LNX2: variants seen among roughly 807,000 people sequenced by gnomAD.
LNX2 encodes ligand of numb-protein X 2, also known as ligand of Numb protein X 2.
In LNX2, 35 loss-of-function variants were observed where a neutral mutation model predicts 66.2. The ratio of observed to expected loss-of-function variants is 0.53; its 90% CI spans 0.40 to 0.70. The LOEUF (loss-of-function observed/expected upper bound fraction) is 0.70, where lower values mean the gene tolerates loss of function less well. Ranked by LOEUF, LNX2 falls within the 30% of genes least tolerant of loss-of-function variation. The pLI, the probability that LNX2 is intolerant of heterozygous loss-of-function variation, is 0.00. For synonymous variants in LNX2, 337 were observed against 315.6 expected (o/e 1.07, Z -0.72); for missense variants, 791 against 850.8 (o/e 0.93, Z 0.87).
At chr13:27,618,952 A>C (rs1464975457) in intron 1 of LNX2, among the ~76,000 whole-genome samples, 1 of 152,232 alleles carries the variant, frequency 6.6e-6, no homozygotes, top group Non-Finnish European at 1.5e-5. Flanking sequence ...ACTTCAGGGT[A>C]ACTAGTGGGA....
chr13:27,616,100 G>A (rs1955822471), intron 1 of LNX2, among the ~76,000 whole-genome samples: 1 of 129,884 alleles, frequency 7.7e-6, no homozygotes, highest in African/African-American at 2.9e-5. Flanking sequence ...GGAGGCATGA[G>A]ACATCAATCA....
At chr13:27,602,162 T>C (rs748065914) in intron 1 of LNX2, among the ~76,000 whole-genome samples, 1 of 152,076 alleles carries the variant, frequency 6.6e-6, no homozygotes, top group Non-Finnish European at 1.5e-5. Flanking sequence ...CATTTCGCCA[T>C]GTTGCCCAGC....
chr13:27,556,205 TGTG>T, intron 7 of LNX2, 28 bp downstream of exon 7: 1 of 1,591,602 alleles, frequency 6.3e-7, no homozygotes, highest in South Asian at 1.1e-5. Context: ...AGAAATAAGA[TGTG>T]GTAAAATTTT....
chr13:27,594,934 G>A (rs998178224), intron 1 of LNX2, among the ~76,000 whole-genome samples: 2 of 151,916 alleles, frequency 1.3e-5, no homozygotes, highest in Non-Finnish European at 1.5e-5. Flanking sequence ...CCTACCTTCC[G>A]TCACAACACT....
intron 1 of LNX2, among the ~76,000 whole-genome samples, chr13:27,592,525 T>C (rs527925031): frequency 2.8e-4 from 42 of 152,260 alleles, no homozygotes; most frequent in African/African-American, 9.9e-4. Flanking sequence ...AGACACTGAA[T>C]AGACAGTTGC....
chr13:27,583,244 GTGTGTGTGTGTGC>G (rs1955436563), intron 1 of LNX2, among the ~76,000 whole-genome samples: 2 of 33,100 alleles, frequency 6.0e-5, no homozygotes, highest in Admixed American at 3.5e-4. Flanking sequence ...GTGTGTGTGT[GTGTGTGTGTGTGC>G]GCGCGTCCTC....
chr13:27,576,868 G>A (rs1032081287), intron 2 of LNX2, among the ~76,000 whole-genome samples: 3 of 152,094 alleles, frequency 2.0e-5, no homozygotes, highest in South Asian at 2.1e-4. Context: ...AGAAGAAAAC[G>A]TACATGTAAA....
intron 1 of LNX2, among the ~76,000 whole-genome samples, chr13:27,585,437 A>T (rs1330017442): frequency 6.6e-6 from 1 of 151,584 alleles, no homozygotes; most frequent in African/African-American, 2.4e-5. Flanking sequence ...GGAAAAAAAT[A>T]AAATAAATAA....
At chr13:27,552,580 A>G (rs976403801) in intron 8 of LNX2, among the ~76,000 whole-genome samples, 1 of 147,886 alleles carries the variant, frequency 6.8e-6, no homozygotes, top group Non-Finnish European at 1.5e-5. Flanking sequence ...TCCTATCTCA[A>G]ATGTCAAACA....
intron 2 of LNX2, among the ~76,000 whole-genome samples, chr13:27,570,674 T>A (rs1184084427): frequency 7.9e-5 from 12 of 152,166 alleles, no homozygotes; most frequent in Non-Finnish European, 1.5e-4. Context: ...AATATATTTT[T>A]AAAATATTTT....
At position 27,581,681 on chromosome 13, in the gene LNX2, A is replaced by C; in HGVS notation, c.23T>G (p.Met8Arg). 1 of 1,607,328 alleles carries C rather than the reference A, an allele frequency of 6.2e-7. No homozygotes were observed. The highest frequency in any genetic ancestry group is 8.5e-7 in the Non-Finnish European group (1 of 1,177,038). Residue 8 changes from methionine (M) to arginine (R), a missense_variant, in exon 2 of 10, where the codon ATG becomes AGG. Transcript: ENST00000316334. Reference protein sequence around the residue: MGTTSDEMVSVEQTSSSS... With the variant: MGTTSDERVSVEQTSSSS... ...GGAGGAGGTCTGTTCCACAGACACC[A>C]TCTCATCACTTGTTGTTCCCATTTT...
chr13:27,600,903 G>A (rs952875671), intron 1 of LNX2, among the ~76,000 whole-genome samples: 1 of 152,180 alleles, frequency 6.6e-6, no homozygotes, highest in African/African-American at 2.4e-5. Context: ...AAGGCATCAA[G>A]TCAACTTCCC....
At chr13:27,604,314 A>G (rs1180995099) in intron 1 of LNX2, among the ~76,000 whole-genome samples, 1 of 151,976 alleles carries the variant, frequency 6.6e-6, no homozygotes, top group Non-Finnish European at 1.5e-5. Context: ...AGATGAGGAG[A>G]GCAGGCATGG....
intron 1 of LNX2, among the ~76,000 whole-genome samples, chr13:27,615,613 G>A (rs1178953212): frequency 6.6e-6 from 1 of 152,198 alleles, no homozygotes; most frequent in Non-Finnish European, 1.5e-5. Flanking sequence ...AAGCTACCTA[G>A]GGGCTGCCAG....
chr13:27,581,150 C>A, intron 2 of LNX2, 147 bp downstream of exon 2: 1 of 538,390 alleles, frequency 1.9e-6, no homozygotes. Flanking sequence ...CTGTTCCATA[C>A]AACTTATTTA....
rs1555268471 is a variant in LNX2, at chr13:27,583,210, G to GTCCTCTCCAATATAAC, written c.-100-1408_-100-1407insGTTATATTGGAGAGGA. 1.0e-3 allele frequency among the ~76,000 whole-genome samples: 23 copies of GTCCTCTCCAATATAAC among 22,076 alleles called. 4 individuals carry two copies. Among genetic ancestry groups the GTCCTCTCCAATATAAC allele is most frequent in the East Asian group, 0.01 (7 of 696 alleles). The allele number at this position is 22,076 out of a possible 152,430, so 14.5% of individuals were successfully genotyped here. A position where few individuals can be genotyped will look rare whatever the true frequency, so the allele number is the denominator to read the frequency against. Reference sequence around the variant, plus strand: ...TGTGTGTGTGTGTGTGTGTGTGTGTGTGTGTGTGTGTGTGTGTGTGTGTGT... The same window carrying GTCCTCTCCAATATAAC: ...TGTGTGTGTGTGTGTGTGTGTGTGTGTCCTCTCCAATATAACTGTGTGTGTGTGTGTGTGTGTGTGT... On this transcript the variant is annotated intron_variant, in intron 1 of 9. Transcript: ENST00000316334.
chr13:27,601,181 T>C (rs1566131245), intron 1 of LNX2, among the ~76,000 whole-genome samples: 1 of 152,198 alleles, frequency 6.6e-6, no homozygotes, highest in Non-Finnish European at 1.5e-5. Context: ...ATTACCATTT[T>C]ATAGATGAGG....
chr13:27,590,096 C>T (rs1366036197), intron 1 of LNX2, among the ~76,000 whole-genome samples: 1 of 151,942 alleles, frequency 6.6e-6, no homozygotes, highest in Non-Finnish European at 1.5e-5. Flanking sequence ...ATTACAGGCG[C>T]CCACCACCAC....
chr13:27,584,432 C>A (rs7996959), intron 1 of LNX2, among the ~76,000 whole-genome samples: 69 of 150,648 alleles, frequency 4.6e-4, no homozygotes, highest in Middle Eastern at 3.5e-3. Flanking sequence ...CATGTGCCTG[C>A]AGTCCCAGCT....
Sources: allele counts gnomAD v4.1 joint callset (sites outside exome capture counted in the v4.1 genomes callset), GRCh38; gene constraint gnomAD v4.1.1; transcripts MANE v1.5; gene names NCBI Gene and HGNC (gene_info 2026-07-23, HGNC 2026-07-21).